The following ATR variants were observed in gnomAD, a reference collection of about 807,000 sequenced individuals.
The protein encoded by ATR is ATR checkpoint kinase, also known as serine/threonine-protein kinase ATR.
A neutral mutation model predicts 305.3 loss-of-function variants in ATR; 142 were observed. That is an observed-to-expected ratio of 0.47 (90% confidence interval 0.41 to 0.53). ATR has a LOEUF of 0.53. Among genes scored for constraint, ATR ranks in the 20% least tolerant of loss-of-function variants. ATR has a pLI of 0.00. For missense variants in ATR, 2,135 were observed against 3,133.1 expected, an observed-to-expected ratio of 0.68 and a Z score of 7.60; for synonymous variants, 1,050 against 1,068.1, an observed-to-expected ratio of 0.98 and a Z score of 0.33.
chr3:142,553,560 C>T (rs1283067626), intron 12 of ATR, 80 bp downstream of exon 12: 8 of 1,465,196 alleles, frequency 5.5e-6, no homozygotes, highest in Middle Eastern at 1.7e-4. Context: ...AATATCATAT[C>T]ACCATTTTTA....
chr3:142,536,229 T>C, intron 19 of ATR, 28 bp from the exon 20 acceptor site: 1 of 1,457,860 alleles, frequency 6.9e-7, no homozygotes, highest in Non-Finnish European at 9.6e-7. Flanking sequence ...TAAAAAGAAT[T>C]ATTTGCCAAG....
intron 13 of ATR, among the ~76,000 whole-genome samples, chr3:142,551,451 T>G (rs116488910): frequency 0.02 from 3,048 of 151,932 alleles, 103 homozygotes; most frequent in African/African-American, 0.07. Context: ...ATGTTTAAAA[T>G]AAAAAAGAAA....
chr3:142,569,427 C>T (rs35862661), intron 1 of ATR, among the ~76,000 whole-genome samples: 39 of 152,164 alleles, frequency 2.6e-4, no homozygotes, highest in African/African-American at 9.2e-4. Flanking sequence ...CTCAGGAGAT[C>T]CTCCCACCTC....
chr3:142,550,696 A>G (rs1054191064), intron 13 of ATR, among the ~76,000 whole-genome samples: 2 of 152,312 alleles, frequency 1.3e-5, no homozygotes, highest in East Asian at 3.9e-4. Context: ...CTCATTTATA[A>G]CCTGTATCTT....
chr3:142,527,307 G>A (rs1030980416), intron 21 of ATR, among the ~76,000 whole-genome samples: 124 of 151,682 alleles, frequency 8.2e-4, no homozygotes, highest in African/African-American at 2.8e-3. Context: ...TATTTAGTTT[G>A]TGAAAATTTG....
At chr3:142,565,329 T>C (rs1419090761) in intron 3 of ATR, among the ~76,000 whole-genome samples, 2 of 152,178 alleles carry the variant, frequency 1.3e-5, no homozygotes, top group African/African-American at 2.4e-5. Flanking sequence ...GAGTTAAAGT[T>C]TGAACAAAAA....
At chr3:142,457,909 GC>G in intron 44 of ATR, 154 bp from the exon 45 acceptor site, 1 of 813,430 alleles carries the variant, frequency 1.2e-6, no homozygotes, top group Non-Finnish European at 1.9e-6. Flanking sequence ...ACATGAAGGA[GC>G]CATGTAGCTC....
At chr3:142,449,640 A>G in intron 46 of ATR, 38 bp from the exon 47 acceptor site, 1 of 1,589,268 alleles carries the variant, frequency 6.3e-7, no homozygotes, top group South Asian at 1.1e-5. Context: ...ACAGATGTTA[A>G]TAATTTGGAA....
chr3:142,516,611 T>C (rs899465841), intron 24 of ATR, among the ~76,000 whole-genome samples: 3 of 152,124 alleles, frequency 2.0e-5, no homozygotes, highest in Admixed American at 6.6e-5. Context: ...CTTCACAGAG[T>C]AAAAACAAAA....
At chr3:142,576,677 A>T (rs955279101) in intron 1 of ATR, among the ~76,000 whole-genome samples, 2 of 152,238 alleles carry the variant, frequency 1.3e-5, no homozygotes, top group Admixed American at 1.3e-4. Flanking sequence ...CACATAGGAC[A>T]CTCAGTGAAA....
rs548078600 is a variant in ATR, at chr3:142,526,711, T to C, written c.3946-2512A>G. Among the ~76,000 whole-genome samples, 13 of 152,172 alleles carry C rather than the reference T, an allele frequency of 8.5e-5. No homozygotes were observed. The South Asian group carries it at 1.9e-3, about 22-fold the overall frequency. On this transcript the variant is annotated intron_variant, in intron 21 of 46. Transcript: ENST00000350721. ...AGATCTATTAATATAGTGAATTACA[T>C]TCGTGGATTGCTAAGTATTAACCAT...
chr3:142,477,151 G>A lies in ATR; in HGVS notation c.6222-6968C>T, dbSNP rs113579227. ...ACTATGTTGAATAGGAGTGGTGAGA[G>A]AGGGCATCCCTGTCTTATGCCAGTT... On this transcript the variant is annotated intron_variant, in intron 36 of 46. Coordinates refer to ENST00000350721, the MANE Select transcript of ATR (RefSeq NM_001184.4). 9.6e-3 allele frequency among the ~76,000 whole-genome samples: 1,464 copies of A among 152,278 alleles called. 7 individuals are homozygous for A. The highest frequency in any genetic ancestry group is 0.016 in the Non-Finnish European group (1,092 of 68,032).
Position 142,555,970 on chromosome 3 carries a change from G to A in ATR, c.2248C>T (p.Gln750Ter), listed in dbSNP as rs2108470796. 2 of 1,613,894 alleles carry A rather than the reference G, an allele frequency of 1.2e-6. No individual in the cohort carries two copies. Among genetic ancestry groups the A allele is most frequent in the Non-Finnish European group, 1.7e-6 (2 of 1,179,908 alleles). Residue 750 changes from glutamine (Q) to a stop codon, truncating the protein, a stop_gained, in exon 10 of 47, where the codon CAA (glutamine) becomes TAA (stop). Transcript: ENST00000350721. LOFTEE classifies it high-confidence loss of function. Reference protein sequence around the residue: ...LFCRNLKATSQHECSSSQLKA... With the variant: ...LFCRNLKATS ...AGTTGAGAAGATGAACATTCATGTT[G>A]AGAAGTGGCTTTCAAGTTCCTACAG...
In ATR at chr3:142,461,986, G is replaced by C. The variant is rs776255209; in HGVS notation, c.7146C>G (p.Asn2382Lys). The change falls in exon 42 of 47, where the codon AAC becomes AAG. Residue 2382 changes from asparagine (N) to lysine (K), a missense_variant. Physicochemically the swap from Asn to Lys is moderately conservative, Grantham distance 94. Around this residue, in one of 9 missense-constraint regions of ATR, gnomAD observed 462 missense variants for 887.6 expected, o/e 0.52. Transcript: ENST00000350721. ...TCAGAATAGGTCTCAAACCAGCAGT[G>C]TTGTTCACCCATTCAATAATCCCAC... The part of the protein sequence containing the change: ...DECGIIEWVN[N>K]TAGLRPILTK... 3 of 1,613,492 alleles carry C rather than the reference G, an allele frequency of 1.9e-6. No individual in the cohort carries two copies. The African/African-American group carries it at 4.0e-5, about 22-fold the overall frequency.
intron 45 of ATR, among the ~76,000 whole-genome samples, chr3:142,456,177 A>G (rs9820770): frequency 0.62 from 94,661 of 151,866 alleles, 30,476 homozygotes; most frequent in African/African-American, 0.79. Context: ...CAGGGAAATC[A>G]CTTGAACCCA....
intron 36 of ATR, among the ~76,000 whole-genome samples, chr3:142,475,641 T>A (rs2108290592): frequency 6.6e-6 from 1 of 152,334 alleles, no homozygotes; most frequent in African/African-American, 2.4e-5. Flanking sequence ...TCAAATGGTA[T>A]TTCTAGTTCT....
intron 24 of ATR, among the ~76,000 whole-genome samples, chr3:142,516,994 T>TATAC (rs1035355681): frequency 6.8e-6 from 1 of 148,052 alleles, no homozygotes; most frequent in African/African-American, 2.5e-5. Flanking sequence ...AATATATATA[T>TATAC]ATATATATAT....
At chr3:142,546,384 A>C (rs1378746662) in intron 16 of ATR, among the ~76,000 whole-genome samples, 1 of 152,118 alleles carries the variant, frequency 6.6e-6, no homozygotes, top group Non-Finnish European at 1.5e-5. Flanking sequence ...TTGCCATGTC[A>C]CTAAAAGTAG....
Position 142,459,030 on chromosome 3 carries a change from A to G in ATR, c.7431T>C (p.His2477=), listed in dbSNP as rs140201292. The stretch of plus-strand genomic sequence containing the variant: ...AAGAATCAAAGAGAATATTTTCACC[A>G]TGACGGTCTCCAAGCCCCAGAATAT... ...VGYILGLGDR[H]GENILFDSLT... is the part of the protein sequence containing the mutation. Residue 2477 remains histidine, a synonymous_variant, in exon 44 of 47, where the codon CAT becomes CAC. Coordinates refer to ENST00000350721, the MANE Select transcript of ATR (RefSeq NM_001184.4). 2.6e-5 allele frequency: 42 copies of G among 1,614,040 alleles called. No individual in the cohort carries two copies. In the African/African-American group the frequency reaches 5.6e-4, roughly 22 times the overall value.
Sources: gnomAD v4.1 joint callset for allele counts (sites outside exome capture counted in the v4.1 genomes callset) on GRCh38, gnomAD v4.1.1 for gene constraint, gnomAD v4.1.1 regional missense constraint, MANE v1.5 for transcripts, NCBI Gene and HGNC (gene_info 2026-07-23, HGNC 2026-07-21) for gene names.